The following CAPRIN2 variants were observed in gnomAD, a reference collection of about 807,000 sequenced individuals.
CAPRIN2 encodes caprin-2.
In CAPRIN2, 66 loss-of-function variants were observed where a neutral mutation model predicts 130.4. The observed-to-expected ratio is 0.51, with a 90% CI of 0.42 to 0.62. CAPRIN2 has a LOEUF of 0.62. CAPRIN2 is among the 20% of genes least tolerant of loss of function. The pLI is 0.00. For missense variants in CAPRIN2, 1,185 were observed against 1,246.6 expected (o/e 0.95, Z 0.74); for synonymous variants, 471 against 444.1 (o/e 1.06, Z -0.76).
intron 15 of CAPRIN2, among the ~76,000 whole-genome samples, chr12:30,712,135 C>T (rs893432639): frequency 9.2e-5 from 14 of 151,724 alleles, no homozygotes; most frequent in Non-Finnish European, 1.9e-4. Flanking sequence ...GAAATATAAT[C>T]TAATATATTA....
intron 8 of CAPRIN2, 108 bp from the exon 10 acceptor site, chr12:30,726,196 C>T: frequency 2.2e-6 from 2 of 903,664 alleles, no homozygotes; most frequent in Non-Finnish European, 3.0e-6. Context: ...CAGCAATGTT[C>T]ACTTATCACA....
At chr12:30,722,644 T>TA (rs1263358725) in intron 11 of CAPRIN2, among the ~76,000 whole-genome samples, 4 of 152,170 alleles carry the variant, frequency 2.6e-5, no homozygotes, top group Non-Finnish European at 5.9e-5. Flanking sequence ...CTCACACCTG[T>TA]AATCCCAGCA....
In CAPRIN2 at chr12:30,723,237, A is replaced by G. The variant is rs751533296; in HGVS notation, c.2043+22T>C. The G allele has an allele frequency of 3.2e-6, 5 of 1,556,314 alleles. No individual in the cohort carries two copies. The Admixed American group carries it at 8.4e-5, about 26-fold the overall frequency. ...CTTCTTCCTTGAGCAGCAAAGAATA[A>G]AAGATTAATTTGGAAAGTTACCTGT... On this transcript the variant is annotated intron_variant, in intron 11 of 16. Coordinates refer to ENST00000298892, the Ensembl canonical transcript of CAPRIN2.
At position 30,719,359 on chromosome 12, in the gene CAPRIN2, C is replaced by T. The variant is rs562536591; in HGVS notation, c.2148+1452G>A. 14 of 966,138 alleles carry T rather than the reference C, an allele frequency of 1.4e-5. No homozygotes were observed. In the African/African-American group the frequency reaches 1.8e-4, roughly 12 times the overall value. 59.8% of individuals were successfully genotyped at this position (966,138 alleles called of 1,614,324 possible). The stretch of plus-strand genomic sequence containing the variant: ...TGGACACAGGAATGCAAAAGAATAG[C>T]TTTTGCTTACAATTTCAAATCTCAA... On this transcript the variant is annotated intron_variant, in intron 12 of 16. Coordinates refer to ENST00000298892, the Ensembl canonical transcript of CAPRIN2.
chr12:30,751,001 A>G, intron 2 of CAPRIN2, 70 bp downstream of exon 3: 1 of 1,118,704 alleles, frequency 8.9e-7, no homozygotes, highest in Non-Finnish European at 1.4e-6. Context: ...GACTGATCGC[A>G]CTAAATCCAT....
intron 5 of CAPRIN2, among the ~76,000 whole-genome samples, chr12:30,731,734 T>C (rs2062764333): frequency 6.6e-6 from 1 of 152,098 alleles, no homozygotes; most frequent in Non-Finnish European, 1.5e-5. Context: ...CTTTATTTTA[T>C]GCTGAATCAA....
At chr12:30,729,755 TTTTC>T (rs563325812) in intron 7 of CAPRIN2, among the ~76,000 whole-genome samples, 131 of 152,340 alleles carry the variant, frequency 8.6e-4, no homozygotes, top group African/African-American at 2.7e-3. Context: ...GTTACCAGTG[TTTTC>T]TTTATTTCCC....
chr12:30,732,040 C>A (rs1267113440), intron 5 of CAPRIN2, among the ~76,000 whole-genome samples: 1 of 151,982 alleles, frequency 6.6e-6, no homozygotes, highest in East Asian at 1.9e-4. Flanking sequence ...TGGACAATCT[C>A]TATTAGATTA....
chr12:30,746,514 A>C (rs2070496577), intron 2 of CAPRIN2, among the ~76,000 whole-genome samples: 1 of 152,238 alleles, frequency 6.6e-6, no homozygotes, highest in Non-Finnish European at 1.5e-5. Flanking sequence ...CATAGAAAGT[A>C]AAAAATGTAT....
intron 11 of CAPRIN2, 94 bp downstream of exon 12, chr12:30,723,165 A>T: frequency 1.2e-6 from 1 of 825,324 alleles, no homozygotes; most frequent in Non-Finnish European, 2.0e-6. Context: ...TAATTTCATT[A>T]GGTACATGAG....
At chr12:30,729,296 T>C (rs1450015392) in exon 8 of CAPRIN2, 2 of 1,585,798 alleles carry the variant, frequency 1.3e-6, no homozygotes, top group Non-Finnish European at 1.7e-6. Context: ...TTGAATAATC[T>C]ACTTCTGTCA....
At chr12:30,717,111 G>A (rs2057848033) in intron 12 of CAPRIN2, among the ~76,000 whole-genome samples, 1 of 152,172 alleles carries the variant, frequency 6.6e-6, no homozygotes. Context: ...ACTGAAAGCA[G>A]GACTCAAACA....
At chr12:30,715,885 C>T in intron 13 of CAPRIN2, 1 of 157,534 alleles carries the variant, frequency 6.3e-6, no homozygotes, top group Non-Finnish European at 1.4e-5. Context: ...CTCTTCATCA[C>T]TTGATTAGCC....
intron 13 of CAPRIN2, chr12:30,715,800 GC>G (rs2136601963): frequency 5.4e-6 from 1 of 186,134 alleles, no homozygotes; most frequent in South Asian, 9.7e-5. Flanking sequence ...TAAGTCACCT[GC>G]CCTGTCTTTC....
intron 2 of CAPRIN2, among the ~76,000 whole-genome samples, chr12:30,741,942 C>T (rs1028465906): frequency 6.6e-6 from 1 of 152,088 alleles, no homozygotes; most frequent in African/African-American, 2.4e-5. Flanking sequence ...TACACCCACA[C>T]AATGGAATAC....
At chr12:30,730,123 C>A in intron 7 of CAPRIN2, 116 bp downstream of exon 8, 1 of 780,636 alleles carries the variant, frequency 1.3e-6, no homozygotes, top group Non-Finnish European at 2.2e-6. Context: ...AGCTAGTAAA[C>A]TGCAGAACCA....
chr12:30,730,353 T>C, intron 6 of CAPRIN2, 71 bp from the exon 8 acceptor site: 1 of 1,048,944 alleles, frequency 9.5e-7, no homozygotes. Flanking sequence ...ACAACTATAA[T>C]TCATTCTAGC....
chr12:30,712,801 G>A (rs1403546736), intron 15 of CAPRIN2, among the ~76,000 whole-genome samples: 1 of 146,036 alleles, frequency 6.8e-6, no homozygotes, highest in East Asian at 2.0e-4. Flanking sequence ...GAGTGCAATG[G>A]CGCTATCTCT....
At chr12:30,736,980 A>C (rs1397239544) in intron 3 of CAPRIN2, among the ~76,000 whole-genome samples, 1 of 152,100 alleles carries the variant, frequency 6.6e-6, no homozygotes, top group Non-Finnish European at 1.5e-5. Context: ...TGCCACCTTG[A>C]ACTTCCCCTA....
Sources: allele counts gnomAD v4.1 joint callset (sites outside exome capture counted in the v4.1 genomes callset), GRCh38; gene constraint gnomAD v4.1.1; transcripts MANE v1.5; gene names NCBI Gene and HGNC (gene_info 2026-07-23, HGNC 2026-07-21).